SPON1: variants seen among roughly 807,000 people sequenced by gnomAD.
SPON1 encodes the protein spondin 1.
Under a neutral mutation model 111.7 loss-of-function variants are expected in SPON1, and 52 were observed. The observed-to-expected ratio is 0.47, with a 90% confidence interval of 0.37 to 0.59. The LOEUF is 0.59. Among genes scored for constraint, SPON1 ranks in the 20% least tolerant of loss-of-function variants. The probability of loss-of-function intolerance (pLI) is 0.00; values close to 1 mark genes in which losing one functional copy is unlikely to be tolerated. For synonymous variants in SPON1, 410 were observed against 395.8 expected (o/e 1.04, Z -0.43); for missense variants, 957 against 1,068.5 (o/e 0.90, Z 1.46).
rs117431813 is a variant in SPON1 at position 14,262,277 on chromosome 11, C to T, written c.1997-435C>T. ...CTTGGTATTGGTCCACAAGGGTCAG[C>T]CGCCTTTAGCTTGTTGACTTGTTCT... On this transcript the variant is annotated intron_variant, in intron 14 of 15. Transcript: ENST00000576479. Among the ~76,000 whole-genome samples the T allele has an allele frequency of 1.4e-3, 211 of 152,324 alleles. 1 individual carries two copies. The highest frequency in any genetic ancestry group is 6.2e-3 in the East Asian group (32 of 5,184).
intron 2 of SPON1, among the ~76,000 whole-genome samples, chr11:13,999,278 G>A (rs1848297669): frequency 6.6e-6 from 1 of 152,012 alleles, no homozygotes; most frequent in Non-Finnish European, 1.5e-5. Flanking sequence ...AGGCTCTGAG[G>A]ATATAGCTGA....
chr11:14,024,149 G>A (rs1848500717), intron 2 of SPON1, among the ~76,000 whole-genome samples: 1 of 152,202 alleles, frequency 6.6e-6, no homozygotes, highest in South Asian at 2.1e-4. Context: ...CAGAGGTCAT[G>A]GGGAGCACTT....
At chr11:14,102,128 C>T (rs1460928302) in intron 5 of SPON1, among the ~76,000 whole-genome samples, 1 of 152,156 alleles carries the variant, frequency 6.6e-6, no homozygotes, top group African/African-American at 2.4e-5. Flanking sequence ...TTACAATACA[C>T]TTATCATTAA....
chr11:14,236,082 CA>C lies in SPON1; in HGVS notation c.826-7247del, dbSNP rs554445891. On this transcript the variant is annotated intron_variant, in intron 6 of 15. Coordinates refer to ENST00000576479, the MANE Select transcript of SPON1 (RefSeq NM_006108.4). ...GCAAGGTCCTGTCTGCTGTGAGATG[CA>C]AAGCCACTGGAGGATTTTGGCCAGA... Among the ~76,000 whole-genome samples the C allele has an allele frequency of 2.0e-3, 304 of 152,244 alleles. 8 individuals are homozygous for C. The highest frequency in any genetic ancestry group is 0.017 in the Middle Eastern group (5 of 292).
intron 5 of SPON1, among the ~76,000 whole-genome samples, chr11:14,121,277 A>G (rs1463238953): frequency 6.6e-6 from 1 of 152,242 alleles, no homozygotes; most frequent in African/African-American, 2.4e-5. Flanking sequence ...TAGACTTTAC[A>G]TTAAAAGGGG....
At chr11:14,161,200 T>TA (rs1554931242) in intron 6 of SPON1, among the ~76,000 whole-genome samples, 21 of 102,304 alleles carry the variant, frequency 2.1e-4, no homozygotes, top group African/African-American at 8.7e-4. Flanking sequence ...TCTATATATA[T>TA]TTATATATTT....
chr11:14,121,090 G>C (rs112086182), intron 5 of SPON1, among the ~76,000 whole-genome samples: 7 of 152,202 alleles, frequency 4.6e-5, no homozygotes, highest in African/African-American at 1.4e-4. Flanking sequence ...CATACTGTGG[G>C]AGACCACTTA....
chr11:14,018,458 T>G (rs1848458480), intron 2 of SPON1, among the ~76,000 whole-genome samples: 1 of 152,162 alleles, frequency 6.6e-6, no homozygotes, highest in Non-Finnish European at 1.5e-5. Context: ...TGCCAGTAAC[T>G]GAGAGACCAA....
At chr11:14,133,830 C>T (rs530641955) in intron 5 of SPON1, among the ~76,000 whole-genome samples, 29 of 152,242 alleles carry the variant, frequency 1.9e-4, no homozygotes, top group South Asian at 4.1e-4. Flanking sequence ...TGCATTTTCC[C>T]GATGTGTAGG....
chr11:14,202,701 C>A (rs1234936887), intron 6 of SPON1, among the ~76,000 whole-genome samples: 1 of 152,194 alleles, frequency 6.6e-6, no homozygotes, highest in Admixed American at 6.5e-5. Flanking sequence ...TCATGCTTAA[C>A]CGTTAGGGAA....
intron 6 of SPON1, among the ~76,000 whole-genome samples, chr11:14,178,797 C>T (rs1848207927): frequency 7.6e-6 from 1 of 131,768 alleles, no homozygotes; most frequent in Non-Finnish European, 1.6e-5. Context: ...TATCCAGTGA[C>T]TCTGCTATTA....
intron 6 of SPON1, among the ~76,000 whole-genome samples, chr11:14,239,101 A>G (rs980268330): frequency 9.9e-5 from 15 of 152,194 alleles, no homozygotes; most frequent in Non-Finnish European, 8.8e-5. Context: ...TCCAAGCTAC[A>G]TAAGCCTTCC....
At chr11:14,146,465 A>T (rs1554929353) in intron 6 of SPON1, among the ~76,000 whole-genome samples, 12 of 151,990 alleles carry the variant, frequency 7.9e-5, no homozygotes, top group Non-Finnish European at 7.4e-5. Context: ...TACCTTTTTA[A>T]AAGAATAATA....
At chr11:13,988,592 G>C (rs1342593044) in intron 2 of SPON1, among the ~76,000 whole-genome samples, 3 of 152,188 alleles carry the variant, frequency 2.0e-5, no homozygotes, top group African/African-American at 7.2e-5. Context: ...ATGTTGAATA[G>C]GAGTGGAGAG....
chr11:14,243,249 G>A, intron 6 of SPON1, 83 bp from the exon 7 acceptor site: 2 of 1,305,286 alleles, frequency 1.5e-6, no homozygotes, highest in South Asian at 2.5e-5. Flanking sequence ...GGGAGTGGGG[G>A]TGAATGGTGT....
chr11:14,157,849 A>G (rs1332378021), intron 6 of SPON1, among the ~76,000 whole-genome samples: 1 of 151,890 alleles, frequency 6.6e-6, no homozygotes, highest in Non-Finnish European at 1.5e-5. Context: ...TAGAATTTTC[A>G]TTTGATTCTT....
chr11:14,089,687 G>A (rs781886551), intron 5 of SPON1, among the ~76,000 whole-genome samples: 1 of 152,042 alleles, frequency 6.6e-6, no homozygotes, highest in Non-Finnish European at 1.5e-5. Context: ...TCCTTGTCAG[G>A]ATCTGCTGCA....
At chr11:14,171,449 G>T (rs1396189474) in intron 6 of SPON1, among the ~76,000 whole-genome samples, 3 of 152,108 alleles carry the variant, frequency 2.0e-5, no homozygotes, top group Non-Finnish European at 4.4e-5. Context: ...CCACCTCCTG[G>T]ATTCATGGAT....
At chr11:14,012,447 T>C (rs560516463) in intron 2 of SPON1, among the ~76,000 whole-genome samples, 209 of 152,198 alleles carry the variant, frequency 1.4e-3, no homozygotes, top group African/African-American at 4.9e-3. Context: ...AGATTCCTCA[T>C]AGAGCAACTT....
Sources: gnomAD v4.1 joint callset for allele counts (sites outside exome capture counted in the v4.1 genomes callset) on GRCh38, gnomAD v4.1.1 for gene constraint, MANE v1.5 for transcripts, NCBI Gene and HGNC (gene_info 2026-07-23, HGNC 2026-07-21) for gene names.